The following PATJ variants were observed in gnomAD, a reference collection of about 807,000 sequenced individuals.
PATJ encodes the protein PATJ crumbs cell polarity complex component.
A neutral mutation model predicts 224.9 loss-of-function variants in PATJ; 190 were observed. The ratio of observed to expected loss-of-function variants is 0.84; its 90% CI spans 0.75 to 0.95. The LOEUF is 0.95. PATJ is among the 40% of genes least tolerant of loss of function. The probability of loss-of-function intolerance (pLI) is 0.00; values close to 1 mark genes in which losing one functional copy is unlikely to be tolerated. For missense variants in PATJ, 2,121 were observed against 2,270.3 expected, an observed-to-expected ratio of 0.93 and a Z score of 1.34; for synonymous variants, 769 against 820.3, an observed-to-expected ratio of 0.94 and a Z score of 1.07.
In PATJ at chr1:62,128,704, C is replaced by G; in HGVS notation, c.5167-137C>G. The G allele has an allele frequency of 8.4e-6, 5 of 597,458 alleles. No homozygotes were observed. The East Asian group carries it at 1.1e-4, about 13-fold the overall frequency. 37.0% of individuals were successfully genotyped at this position (597,458 alleles called of 1,614,324 possible). On this transcript the variant is annotated intron_variant, in intron 40 of 43. Transcript: ENST00000642238. ...AAAAAAATTCCTCATGCTTCTTGAACATGCATGCACGGTAGTAACGCAGAA... is the reference window on the plus strand; with the variant it reads ...AAAAAAATTCCTCATGCTTCTTGAAGATGCATGCACGGTAGTAACGCAGAA...
rs1268180597 is a variant in PATJ at position 61,805,498 on chromosome 1, C to G, written c.1600C>G (p.Leu534Val). 2 of 1,601,878 alleles carry G rather than the reference C, an allele frequency of 1.2e-6. No homozygotes were observed. Among genetic ancestry groups the G allele is most frequent in the African/African-American group, 1.3e-5 (1 of 74,632 alleles). ...ENELKSRWEN[L>V]LGPDYEVMVA... ...TGAGCTGAAATCCAGATGGGAAAAC[C>G]TGTTGGGTCCTGATTATGAAGTAAT... Residue 534 changes from leucine to valine, a missense_variant, in exon 13 of 44, where the codon CTG (leucine) becomes GTG (valine). Coordinates refer to ENST00000642238, the MANE Select transcript of PATJ (RefSeq NM_001350145.3).
chr1:61,909,692 C>T (rs1672341408), intron 25 of PATJ, among the ~76,000 whole-genome samples: 1 of 152,110 alleles, frequency 6.6e-6, no homozygotes, highest in Non-Finnish European at 1.5e-5. Flanking sequence ...CTTACATATG[C>T]ACTTCTAACT....
chr1:62,118,370 A>G (rs1664683677), intron 37 of PATJ, among the ~76,000 whole-genome samples: 1 of 152,136 alleles, frequency 6.6e-6, no homozygotes, highest in African/African-American at 2.4e-5. Flanking sequence ...TTGTTGAATG[A>G]TTTCATTAAA....
intron 31 of PATJ, among the ~76,000 whole-genome samples, chr1:62,061,426 C>A (rs1352465131): frequency 1.3e-5 from 2 of 152,114 alleles, no homozygotes; most frequent in Non-Finnish European, 2.9e-5. Flanking sequence ...AGGTGATCCA[C>A]CCACCTCGGC....
intron 21 of PATJ, among the ~76,000 whole-genome samples, chr1:61,880,273 AC>A (rs1367816005): frequency 6.6e-6 from 1 of 152,228 alleles, no homozygotes; most frequent in African/African-American, 2.4e-5. Flanking sequence ...AGTTTTGTAC[AC>A]TTAGCTATCT....
At chr1:62,057,637 G>T (rs1181006349) in intron 31 of PATJ, among the ~76,000 whole-genome samples, 1 of 152,210 alleles carries the variant, frequency 6.6e-6, no homozygotes, top group Admixed American at 6.5e-5. Context: ...TGACTCTTCA[G>T]CAAGGCAATG....
chr1:62,114,617 C>G (rs1664244693), intron 35 of PATJ: 1 of 175,862 alleles, frequency 5.7e-6, no homozygotes, highest in Admixed American at 6.3e-5. Context: ...AAGAACATTG[C>G]TTCGACATGG....
chr1:62,028,227 A>G (rs1648410694), intron 29 of PATJ, among the ~76,000 whole-genome samples: 1 of 152,048 alleles, frequency 6.6e-6, no homozygotes, highest in Non-Finnish European at 1.5e-5. Flanking sequence ...GGATCTCTCT[A>G]TGTTGCTCAG....
intron 27 of PATJ, among the ~76,000 whole-genome samples, chr1:61,986,638 C>G (rs775239011): frequency 6.6e-6 from 1 of 151,430 alleles, no homozygotes; most frequent in African/African-American, 2.5e-5. Context: ...CCAGGCTTGT[C>G]TCAAACTCCT....
chr1:62,071,579 G>A (rs983611898), intron 31 of PATJ, among the ~76,000 whole-genome samples: 14 of 141,392 alleles, frequency 9.9e-5, no homozygotes, highest in African/African-American at 2.4e-4. Flanking sequence ...TGCAACCTCC[G>A]CCTCCCCAGG....
Position 62,072,320 on chromosome 1 carries a change from C to T in PATJ, c.4126-7130C>T, listed in dbSNP as rs575780750. ...GTTTTTGTTTTTTTGTTTTTTAATT[C>T]TAATTGAATGTCTTAAGGGGAAAAA... On this transcript the variant is annotated intron_variant, in intron 31 of 43. Transcript: ENST00000642238. 4 of 151,376 alleles carry T rather than the reference C, an allele frequency of 2.6e-5. No individual in the cohort carries two copies. The East Asian group carries it at 7.8e-4, about 29-fold the overall frequency. 9.4% of individuals were successfully genotyped at this position (151,376 alleles called of 1,614,324 possible). A position where few individuals can be genotyped will look rare whatever the true frequency, so the allele number is the denominator to read the frequency against.
Position 61,961,590 on chromosome 1 carries a change from G to A in PATJ, c.3671-28578G>A, listed in dbSNP as rs187131566. Among the ~76,000 whole-genome samples, 23 of 152,226 alleles carry A rather than the reference G, an allele frequency of 1.5e-4. No homozygotes were observed. The East Asian group carries it at 2.7e-3, about 18-fold the overall frequency. On this transcript the variant is annotated intron_variant, in intron 27 of 43. Transcript: ENST00000642238. ...TATTTTGCAAAAACACTTTAGACAG[G>A]CCTGCTGACTGCAGGATCAATACAT...
intron 28 of PATJ, among the ~76,000 whole-genome samples, chr1:61,993,139 C>T (rs1645162391): frequency 6.6e-6 from 1 of 152,196 alleles, no homozygotes; most frequent in Non-Finnish European, 1.5e-5. Flanking sequence ...AACTTCTGAC[C>T]AACCAGCTCT....
intron 22 of PATJ, among the ~76,000 whole-genome samples, chr1:61,885,491 C>T (rs1389009150): frequency 1.3e-5 from 2 of 151,892 alleles, no homozygotes; most frequent in Non-Finnish European, 2.9e-5. Context: ...CATCTCACAC[C>T]AGTTAGAATG....
intron 12 of PATJ, among the ~76,000 whole-genome samples, chr1:61,804,798 G>A (rs1043085972): frequency 6.6e-6 from 1 of 152,124 alleles, no homozygotes; most frequent in African/African-American, 2.4e-5. Context: ...ATGCAACAAA[G>A]ACAGTATTCC....
At chr1:61,863,143 C>A (rs1000160760) in intron 19 of PATJ, among the ~76,000 whole-genome samples, 1 of 140,954 alleles carries the variant, frequency 7.1e-6, no homozygotes, top group Non-Finnish European at 1.5e-5. Flanking sequence ...TCAAGCAATT[C>A]TTTGCCTCAG....
In PATJ at chr1:61,844,644, G is replaced by A. The variant is rs115385137; in HGVS notation, c.2112+10859G>A. Among the ~76,000 whole-genome samples the A allele has an allele frequency of 3.8e-3, 580 of 151,934 alleles. 5 individuals are homozygous for A. Among genetic ancestry groups the A allele is most frequent in the African/African-American group, 0.013 (536 of 41,400 alleles). On this transcript the variant is annotated intron_variant, in intron 17 of 43. Coordinates refer to ENST00000642238, the MANE Select transcript of PATJ (RefSeq NM_001350145.3). Reference sequence around the variant, plus strand: ...ACTGTGCCTAATTTATAAATTAACCGTTATCATAGGTGATACGGTTTGCCT... The same window carrying A: ...ACTGTGCCTAATTTATAAATTAACCATTATCATAGGTGATACGGTTTGCCT...
intron 14 of PATJ, among the ~76,000 whole-genome samples, chr1:61,815,421 C>T (rs762337948): frequency 4.6e-5 from 7 of 152,328 alleles, no homozygotes; most frequent in Non-Finnish European, 8.8e-5. Flanking sequence ...AGGGTTTTGT[C>T]TATGATCTTA....
At chr1:62,067,157 C>T (rs757423919) in intron 31 of PATJ, among the ~76,000 whole-genome samples, 12 of 128,308 alleles carry the variant, frequency 9.4e-5, no homozygotes, top group Non-Finnish European at 1.4e-4. Context: ...GATGGAGTCT[C>T]GCTGTGTCAC....
Sources: gnomAD v4.1 joint callset for allele counts (sites outside exome capture counted in the v4.1 genomes callset) on GRCh38, gnomAD v4.1.1 for gene constraint, MANE v1.5 for transcripts, NCBI Gene and HGNC (gene_info 2026-07-23, HGNC 2026-07-21) for gene names.